Variants in GRM6 observed in about 807,000 individuals in gnomAD.
The protein encoded by GRM6 is glutamate metabotropic receptor 6.
Under a neutral mutation model 78.4 loss-of-function variants are expected in GRM6, and 73 were observed. The observed-to-expected ratio is 0.93, with a 90% CI of 0.77 to 1.13. The LOEUF (loss-of-function observed/expected upper bound fraction) is 1.13, where lower values mean the gene tolerates loss of function less well. Ranked by LOEUF, GRM6 falls within the 50% of genes most tolerant of loss-of-function variation. The probability of loss-of-function intolerance (pLI) is 0.00; values close to 1 mark genes in which losing one functional copy is unlikely to be tolerated. For synonymous variants in GRM6, 580 were observed against 555.0 expected, an observed-to-expected ratio of 1.05 and a Z score of -0.63; for missense variants, 1,251 against 1,256.4, an observed-to-expected ratio of 1.00 and a Z score of 0.07.
chr5:178,987,435 G>A lies in GRM6; in HGVS notation c.1355-452C>T, dbSNP rs556386028. ...AGCGTCCACTGACAGAAGAATGGAC[G>A]AACACGACGGGGCCATTCACACAAT... is the stretch of plus-strand genomic sequence containing the variant. On this transcript the variant is annotated intron_variant, in intron 7 of 10. Transcript: ENST00000517717. 3.7e-5 allele frequency: 17 copies of A among 457,944 alleles called. No individual in the cohort carries two copies. In the East Asian group the frequency reaches 5.6e-4, roughly 15 times the overall value. The allele number at this position is 457,944 out of a possible 1,614,324, so 28.4% of individuals were successfully genotyped here.
chr5:178,992,103 GC>G lies in GRM6; in HGVS notation c.505-21del. 1 of 1,578,624 alleles carries G rather than the reference GC, an allele frequency of 6.3e-7. No individual in the cohort carries two copies. The highest frequency in any genetic ancestry group is 1.3e-5 in the African/African-American group (1 of 74,364). ...GGGTATCTGTGGGGCAGGAAGGACA[GC>G]TGGGCTGTGGATGGAGGTCAGTAAC... On this transcript the variant is annotated intron_variant, in intron 2 of 10. Transcript: ENST00000517717. This position sits in a 1 kb window ranked among gnomAD's most constrained non-coding sequence, Gnocchi z 4.9.
chr5:178,989,219 C>A (rs774961620), intron 6 of GRM6, 46 bp downstream of exon 6: 7 of 1,066,930 alleles, frequency 6.6e-6, no homozygotes, highest in Non-Finnish European at 8.5e-6. Flanking sequence ...CCACCCTCAC[C>A]ACCCTCCCCA....
chr5:178,985,717 A>AAAAAAAC (rs773602113), intron 9 of GRM6: 16 of 419,628 alleles, frequency 3.8e-5, no homozygotes, highest in South Asian at 1.9e-4. Flanking sequence ...AAAAAAAACA[A>AAAAAAAC]AACAACACAG....
intron 5 of GRM6, 61 bp from the exon 6 acceptor site, chr5:178,989,466 GTC>G (rs1760635078): frequency 6.2e-7 from 1 of 1,607,610 alleles, no homozygotes; most frequent in Non-Finnish European, 8.5e-7. Context: ...TTTCTCCTGT[GTC>G]TCTCTGCCAC....
In GRM6 at chr5:178,986,908, G is replaced by A. The variant is rs201164865; in HGVS notation, c.1430C>T (p.Ala477Val). Residue 477 changes from alanine to valine, a missense_variant, in exon 8 of 11, where the codon GCG becomes GTG. Transcript: ENST00000517717. Reference protein sequence around the residue: ...PGRYDIFQYQATNGSASSGGY... With the variant: ...PGRYDIFQYQVTNGSASSGGY... ...GCCACTGCTGGCACTGCCATTGGTCGCCTGGTACTGGAAGATGTCGTACCG... is the reference window on the plus strand; with the variant it reads ...GCCACTGCTGGCACTGCCATTGGTCACCTGGTACTGGAAGATGTCGTACCG... 4.5e-5 allele frequency: 72 copies of A among 1,614,046 alleles called. No individual in the cohort carries two copies. The Middle Eastern group carries it at 9.9e-4, about 22-fold the overall frequency.
chr5:178,994,822 C>T lies in GRM6; in HGVS notation c.123G>A (p.Leu41=). 1 of 1,241,374 alleles carries T rather than the reference C, an allele frequency of 8.1e-7. No individual in the cohort carries two copies. The highest frequency in any genetic ancestry group is 1.0e-6 in the Non-Finnish European group (1 of 993,548). 76.9% of individuals were successfully genotyped at this position (1,241,374 alleles called of 1,614,324 possible). A position where few individuals can be genotyped will look rare whatever the true frequency, so the allele number is the denominator to read the frequency against. ...GSVRLAGGLT[L]GGLFPVHARG... is the part of the protein sequence containing the mutation. ...GCGCGTGCACCGGGAACAGGCCGCC[C>T]AGCGTCAGGCCGCCCGCCAGGCGCA... The change falls in exon 2 of 11, where the codon CTG becomes CTA. Residue 41 remains leucine, a synonymous_variant. Coordinates refer to ENST00000517717, the MANE Select transcript of GRM6 (RefSeq NM_000843.4).
At chr5:178,985,309 A>G in intron 9 of GRM6, 1 of 454,036 alleles carries the variant, frequency 2.2e-6, no homozygotes, top group Non-Finnish European at 4.4e-6. Context: ...TCCCCACCTG[A>G]CTGCCCCGTT....
Position 178,991,581 on chromosome 5 carries a change from G to A in GRM6, c.722-22C>T. ...CCCCCTGGGCGTTGGGGGTGCCAGA[G>A]TCAGCTTCCGTCCCACCCACCCACA... On this transcript the variant is annotated intron_variant, in intron 3 of 10. Transcript: ENST00000517717. The surrounding 1 kb of genome is among the most constrained non-coding windows in gnomAD (Gnocchi z 5.0). The A allele has an allele frequency of 6.2e-7, 1 of 1,613,330 alleles. No individual in the cohort carries two copies. Among genetic ancestry groups the A allele is most frequent in the Non-Finnish European group, 8.5e-7 (1 of 1,179,512 alleles).
chr5:178,989,355 T>C lies in GRM6; in HGVS notation c.1063A>G (p.Ile355Val). Residue 355 changes from isoleucine to valine, a missense_variant, in exon 6 of 11, where the codon ATC (isoleucine) becomes GTC (valine). By Grantham distance (29) the Ile-to-Val change is conservative. Transcript: ENST00000517717. ...TRSLENNRRN[I>V]WFAEFWEENF... ...TCTTCCCAGAACTCGGCGAACCAGA[T>C]GTTCCTGCGGTTGTTCTCCAGGGAT... is the stretch of plus-strand genomic sequence containing the variant. 2 of 1,613,982 alleles carry C rather than the reference T, an allele frequency of 1.2e-6. No homozygotes were observed. Among genetic ancestry groups the C allele is most frequent in the Non-Finnish European group, 1.7e-6 (2 of 1,179,902 alleles).
rs763774664 is a variant in GRM6 at position 178,994,591 on chromosome 5, G to T, written c.354C>A (p.Arg118=). The T allele has an allele frequency of 4.1e-5, 55 of 1,350,904 alleles. No homozygotes were observed. Among genetic ancestry groups the T allele is most frequent in the Non-Finnish European group, 5.0e-5 (53 of 1,054,658 alleles). The allele number at this position is 1,350,904 out of a possible 1,614,324, so 83.7% of individuals were successfully genotyped here. A position where few individuals can be genotyped will look rare whatever the true frequency, so the allele number is the denominator to read the frequency against. Residue 118 remains arginine (R), a synonymous_variant, in exon 2 of 11, where the codon CGC becomes CGA. Coordinates refer to ENST00000517717, the MANE Select transcript of GRM6 (RefSeq NM_000843.4). ...CCACCTCGTCGCCGTCGCCGCGGCC[G>T]CGGATCAGCGCCTGCACGAAGCTCA... The part of the protein sequence containing the change: ...QALSFVQALI[R]GRGDGDEVGV...
In GRM6 at chr5:178,986,684, G is replaced by T; in HGVS notation, c.1570C>A (p.Pro524Thr). The change falls in exon 9 of 11, where the codon CCG becomes ACG. Residue 524 changes from proline (P) to threonine (T), a missense_variant. By Grantham distance (38) the Pro-to-Thr change is conservative. Transcript: ENST00000517717. ...TTCACCATCTTCTTCCGCTCCCCCG[G>T]CCCGCAGGGCAGGCTGCACAGAGAC... Reference protein sequence around the residue: ...PSSLCSLPCGPGERKKMVKGV... With the variant: ...PSSLCSLPCGTGERKKMVKGV... 1.2e-6 allele frequency: 2 copies of T among 1,603,784 alleles called. No individual in the cohort carries two copies.
chr5:178,980,644 GT>G lies in GRM6; in HGVS notation c.*1012del. 1 of 152,636 alleles carries G rather than the reference GT, an allele frequency of 6.6e-6. No homozygotes were observed. Among genetic ancestry groups the G allele is most frequent in the Non-Finnish European group, 1.5e-5 (1 of 68,182 alleles). The allele number at this position is 152,636 out of a possible 1,614,324, so 9.5% of individuals were successfully genotyped here. A position where few individuals can be genotyped will look rare whatever the true frequency, so the allele number is the denominator to read the frequency against. ...GGTTTTTTTGGTGTTTTTTTGTTTTGTTTTTTTGAGACAGAGTCTCGCTCTG... is the reference window on the plus strand; with the variant it reads ...GGTTTTTTTGGTGTTTTTTTGTTTTGTTTTTTGAGACAGAGTCTCGCTCTG... On this transcript the variant is annotated 3_prime_UTR_variant, in exon 11 of 11. Transcript: ENST00000517717. This position sits in a 1 kb window ranked among gnomAD's most constrained non-coding sequence, Gnocchi z 4.3.
rs779417574 is a variant in GRM6, at chr5:178,989,365, G to A, written c.1053C>T (p.Asn351=). ...QYFMTRSLEN[N]RRNIWFAEFW... ...ACTCGGCGAACCAGATGTTCCTGCG[G>A]TTGTTCTCCAGGGATCGAGTCATGA... Residue 351 remains asparagine (N), a synonymous_variant, in exon 6 of 11, where the codon AAC becomes AAT. Transcript: ENST00000517717. 3.1e-6 allele frequency: 5 copies of A among 1,613,920 alleles called. No homozygotes were observed. The Admixed American group carries it at 6.7e-5, about 22-fold the overall frequency.
At chr5:178,989,239 C>T in intron 6 of GRM6, 26 bp downstream of exon 6, 2 of 1,502,146 alleles carry the variant, frequency 1.3e-6, no homozygotes, top group African/African-American at 1.4e-5. Context: ...ACCCTCCCCA[C>T]CCTCACCACC....
At chr5:178,986,034 C>T in intron 9 of GRM6, 96 bp downstream of exon 9, 3 of 1,171,058 alleles carry the variant, frequency 2.6e-6, no homozygotes, top group African/African-American at 1.5e-5. Context: ...GGTGCTGGGA[C>T]TACAGGCGTG....
intron 9 of GRM6, chr5:178,985,892 G>T: frequency 3.5e-6 from 2 of 571,092 alleles, no homozygotes; most frequent in African/African-American, 1.9e-5. Flanking sequence ...CTCCCAAGTA[G>T]CTAGGACTAC....
In GRM6 at chr5:178,986,479, A is replaced by G; in HGVS notation, c.1775T>C (p.Leu592Pro). The change falls in exon 9 of 11, where the codon CTG (leucine) becomes CCG (proline). Residue 592 changes from leucine (L) to proline (P), a missense_variant. Physicochemically the swap from Leu to Pro is moderately conservative, Grantham distance 98. Transcript: ENST00000517717. The stretch of plus-strand genomic sequence containing the variant: ...AGTGGCCACGATGCCCAGCACGGCC[A>G]GGAGGAGCGGCGGGGCTGCCCAGGG... ...SSPWAAPPLLLAVLGIVATTT... is the reference protein window; with the variant it reads ...SSPWAAPPLLPAVLGIVATTT... 1.9e-6 allele frequency: 3 copies of G among 1,611,850 alleles called. No individual in the cohort carries two copies. Among genetic ancestry groups the G allele is most frequent in the Non-Finnish European group, 1.7e-6 (2 of 1,179,336 alleles).
At chr5:178,983,277 A>G (rs1321951705) in intron 9 of GRM6, 56 bp from the exon 10 acceptor site, 5 of 1,480,894 alleles carry the variant, frequency 3.4e-6, no homozygotes, top group Non-Finnish European at 3.7e-6. Flanking sequence ...AATCCATTCC[A>G]GCCCTGACAG....
Position 178,991,641 on chromosome 5 carries a change from G to T in GRM6, c.722-82C>A. The T allele has an allele frequency of 7.0e-7, 1 of 1,430,172 alleles. No individual in the cohort carries two copies. The highest frequency in any genetic ancestry group is 9.7e-7 in the Non-Finnish European group (1 of 1,034,104). 88.6% of individuals were successfully genotyped at this position (1,430,172 alleles called of 1,614,324 possible). The stretch of plus-strand genomic sequence containing the variant: ...GGCCACCGCTGCAGAGGACTGTGTA[G>T]GCTGGCTGAAGGGTCTGCAGGGGTG... On this transcript the variant is annotated intron_variant, in intron 3 of 10. Coordinates refer to ENST00000517717, the MANE Select transcript of GRM6 (RefSeq NM_000843.4). The surrounding 1 kb of genome is among the most constrained non-coding windows in gnomAD (Gnocchi z 5.0).
Sources: gnomAD v4.1 joint callset for allele counts on GRCh38, gnomAD v4.1.1 for gene constraint, Gnocchi (gnomAD v3.1) non-coding constraint, MANE v1.5 for transcripts, NCBI Gene and HGNC (gene_info 2026-07-23, HGNC 2026-07-21) for gene names.